The following GABRR1 variants were observed in gnomAD, a reference collection of about 807,000 sequenced individuals.
GABRR1 encodes gamma-aminobutyric acid receptor subunit rho-1.
Under a neutral mutation model 55.5 loss-of-function variants are expected in GABRR1, and 59 were observed. The observed-to-expected ratio is 1.06, with a 90% CI of 0.86 to 1.32. The LOEUF is 1.32. GABRR1 is among the 40% of genes most tolerant of loss of function. The pLI, the probability that GABRR1 is intolerant of heterozygous loss-of-function variation, is 0.00. For synonymous variants in GABRR1, 213 were observed against 226.0 expected (o/e 0.94, Z 0.51); for missense variants, 602 against 619.1 (o/e 0.97, Z 0.29).
upstream of GABRR1, among the ~76,000 whole-genome samples, chr6:89,220,776 A>G (rs887164108): frequency 8.6e-5 from 13 of 152,014 alleles, no homozygotes; most frequent in Admixed American, 1.3e-4. Context: ...GCTGGAGTGC[A>G]ATGGCATGAT....
At chr6:89,218,801 G>C (rs1486340414), upstream of GABRR1, among the ~76,000 whole-genome samples, 1 of 152,182 alleles carries the variant, frequency 6.6e-6, no homozygotes, top group Admixed American at 6.5e-5. Flanking sequence ...CGTAGGTCCA[G>C]TTTATAGTGT....
intron 5 of GABRR1, among the ~76,000 whole-genome samples, chr6:89,196,881 G>GAAAGA (rs57085890): frequency 3.2e-5 from 3 of 95,230 alleles, no homozygotes; most frequent in Non-Finnish European, 6.9e-5. Flanking sequence ...GAAAGAAAGA[G>GAAAGA]AAGAGAAGAA....
intron 1 of GABRR1, chr6:89,205,746 T>G (rs548199424): frequency 6.6e-6 from 1 of 152,336 alleles, no homozygotes; most frequent in African/African-American, 2.4e-5. Flanking sequence ...CTATTTCATC[T>G]GAGAAGACAG....
chr6:89,181,427 C>G (rs1174040534), intron 8 of GABRR1, among the ~76,000 whole-genome samples: 1 of 152,192 alleles, frequency 6.6e-6, no homozygotes, highest in Non-Finnish European at 1.5e-5. Context: ...CTTGAGTACA[C>G]AGAATAATTA....
chr6:89,187,942 T>A (rs1414484311), intron 6 of GABRR1, among the ~76,000 whole-genome samples: 3 of 152,234 alleles, frequency 2.0e-5, no homozygotes, highest in African/African-American at 4.8e-5. Context: ...AGCATACAAG[T>A]ACCTTTTCAA....
chr6:89,223,501 T>C (rs758032604), intron 1 of GABRR1, among the ~76,000 whole-genome samples: 1 of 152,218 alleles, frequency 6.6e-6, no homozygotes, highest in Non-Finnish European at 1.5e-5. Flanking sequence ...ATTGTGCTGC[T>C]ATAAACATGC....
intron 1 of GABRR1, among the ~76,000 whole-genome samples, chr6:89,228,713 G>A (rs1773234727): frequency 1.4e-5 from 2 of 142,324 alleles, no homozygotes; most frequent in South Asian, 4.6e-4. Flanking sequence ...AATAGGTGTG[G>A]TGTGGTGCTG....
intron 1 of GABRR1, among the ~76,000 whole-genome samples, chr6:89,230,896 T>C (rs1235712035): frequency 1.3e-5 from 2 of 150,082 alleles, no homozygotes; most frequent in Non-Finnish European, 3.0e-5. Flanking sequence ...CTCAGAGTGC[T>C]GTGCTAGCAA....
intron 5 of GABRR1, 108 bp downstream of exon 5, chr6:89,197,912 C>A: frequency 1.2e-6 from 1 of 812,646 alleles, no homozygotes. Flanking sequence ...GAGAAGCTGG[C>A]AACTACTGAA....
upstream of GABRR1, chr6:89,217,789 T>G (rs1175376762): frequency 1.9e-5 from 3 of 154,296 alleles, no homozygotes; most frequent in Admixed American, 1.3e-4. Flanking sequence ...TTGCTTTAGC[T>G]GAGGGCTGGA....
At chr6:89,179,877 T>C (rs1027487300) in intron 9 of GABRR1, among the ~76,000 whole-genome samples, 2 of 152,150 alleles carry the variant, frequency 1.3e-5, no homozygotes, top group Admixed American at 1.3e-4. Context: ...AGGTTACATA[T>C]GAAGGAAGAT....
intron 7 of GABRR1, 77 bp downstream of exon 7, chr6:89,185,233 C>A: frequency 6.3e-7 from 1 of 1,580,238 alleles, no homozygotes; most frequent in Non-Finnish European, 8.7e-7. Flanking sequence ...CAATTCAAAC[C>A]TTTCCTATAA....
intron 2 of GABRR1, among the ~76,000 whole-genome samples, chr6:89,201,968 G>A (rs11754862): frequency 0.18 from 28,067 of 152,000 alleles, 3,124 homozygotes; most frequent in South Asian, 0.28. Context: ...AGCCTTTTGA[G>A]GGGTTTTGAG....
At chr6:89,191,106 A>C (rs1039768779) in intron 5 of GABRR1, among the ~76,000 whole-genome samples, 2 of 152,264 alleles carry the variant, frequency 1.3e-5, no homozygotes, top group African/African-American at 4.8e-5. Context: ...TTTTAATTTA[A>C]ATGGAAATTT....
intron 3 of GABRR1, 122 bp downstream of exon 3, chr6:89,201,037 C>T (rs951588486): frequency 4.9e-5 from 35 of 711,504 alleles, no homozygotes; most frequent in Non-Finnish European, 8.2e-5. Context: ...TCTTGTCCAC[C>T]AAGCACAACT....
chr6:89,197,025 T>C (rs2127797894), intron 5 of GABRR1, among the ~76,000 whole-genome samples: 1 of 152,238 alleles, frequency 6.6e-6, no homozygotes, highest in South Asian at 2.1e-4. Context: ...ATTTTAAGCA[T>C]TAAAGATGAA....
intron 3 of GABRR1, among the ~76,000 whole-genome samples, chr6:89,200,518 T>C (rs1772434005): frequency 6.6e-6 from 1 of 151,826 alleles, no homozygotes; most frequent in Admixed American, 6.6e-5. Context: ...GCAGATGAAA[T>C]CCCAAAATGT....
intron 1 of GABRR1, among the ~76,000 whole-genome samples, chr6:89,226,028 T>C (rs1422787026): frequency 6.6e-6 from 1 of 151,834 alleles, no homozygotes; most frequent in Non-Finnish European, 1.5e-5. Context: ...ATGATGAGCA[T>C]TTTTTCATGT....
At chr6:89,219,499 A>C (rs77666011), upstream of GABRR1, among the ~76,000 whole-genome samples, 480 of 152,320 alleles carry the variant, frequency 3.2e-3, 12 homozygotes, top group Admixed American at 0.025. Context: ...ATATAATAAC[A>C]AGGAGAAGGA....
Sources: allele counts gnomAD v4.1 joint callset (sites outside exome capture counted in the v4.1 genomes callset), GRCh38; gene constraint gnomAD v4.1.1; transcripts MANE v1.5; gene names NCBI Gene and HGNC (gene_info 2026-07-23, HGNC 2026-07-21).